The following TIAM1 variants were observed in gnomAD, a reference collection of about 807,000 sequenced individuals.
TIAM1 encodes the protein rho guanine nucleotide exchange factor TIAM1.
In TIAM1, 65 loss-of-function variants were observed where a neutral mutation model predicts 163.5. That is an observed-to-expected ratio of 0.40 (90% CI 0.33 to 0.49). TIAM1 has a LOEUF of 0.49. TIAM1 is among the 20% of genes least tolerant of loss of function. The pLI, the probability that TIAM1 is intolerant of heterozygous loss-of-function variation, is 0.77. For synonymous variants in TIAM1, 833 were observed against 810.1 expected (o/e 1.03, Z -0.48); for missense variants, 1,789 against 2,044.7 (o/e 0.87, Z 2.41).
chr21:31,174,722 A>G (rs1163081972), intron 15 of TIAM1, among the ~76,000 whole-genome samples: 5 of 152,182 alleles, frequency 3.3e-5, no homozygotes. Flanking sequence ...ATCCCGGCTC[A>G]CTGCAACCTC....
intron 2 of TIAM1, among the ~76,000 whole-genome samples, chr21:31,458,513 C>G (rs73197613): frequency 6.6e-6 from 1 of 152,224 alleles, no homozygotes; most frequent in Non-Finnish European, 1.5e-5. Flanking sequence ...TAAGTCTGAA[C>G]TATTCCCTCA....
chr21:31,132,221 G>C (rs945457352), intron 23 of TIAM1, among the ~76,000 whole-genome samples: 1 of 152,176 alleles, frequency 6.6e-6, no homozygotes, highest in Non-Finnish European at 1.5e-5. Flanking sequence ...TCTATCCTAC[G>C]GAGGGCAGGT....
At chr21:31,304,123 GT>G (rs2074605553) in intron 2 of TIAM1, among the ~76,000 whole-genome samples, 1 of 152,078 alleles carries the variant, frequency 6.6e-6, no homozygotes. Context: ...TCATTTGGCT[GT>G]GAGAGCTACA....
chr21:31,209,932 G>A (rs2086639312), intron 11 of TIAM1, 113 bp downstream of exon 11: 3 of 1,096,040 alleles, frequency 2.7e-6, no homozygotes, highest in Non-Finnish European at 1.3e-6. Context: ...AAAGGGAGGT[G>A]TGTTTTAAGC....
chr21:31,188,468 T>C (rs747968805), intron 13 of TIAM1, among the ~76,000 whole-genome samples: 2 of 152,198 alleles, frequency 1.3e-5, no homozygotes, highest in Non-Finnish European at 2.9e-5. Flanking sequence ...TTAGGCGAGA[T>C]AGAATCAAGG....
At chr21:31,185,494 T>A (rs1053474827) in intron 14 of TIAM1, among the ~76,000 whole-genome samples, 1 of 144,272 alleles carries the variant, frequency 6.9e-6, no homozygotes, top group African/African-American at 2.5e-5. Flanking sequence ...TTATATATTA[T>A]ATGCTTATAT....
At chr21:31,223,955 C>T (rs1306491457) in intron 7 of TIAM1, among the ~76,000 whole-genome samples, 1 of 152,060 alleles carries the variant, frequency 6.6e-6, no homozygotes, top group Non-Finnish European at 1.5e-5. Flanking sequence ...GGTTTTCATA[C>T]AAAGAAAAGT....
At chr21:31,363,681 T>A (rs2076447352) in intron 2 of TIAM1, among the ~76,000 whole-genome samples, 1 of 152,154 alleles carries the variant, frequency 6.6e-6, no homozygotes, top group East Asian at 1.9e-4. Flanking sequence ...GATGAATGTC[T>A]TAGATTTTTC....
In TIAM1 at chr21:31,266,418, G is replaced by A; in HGVS notation, c.555C>T (p.Leu185=). 3.1e-6 allele frequency: 5 copies of A among 1,614,256 alleles called. No homozygotes were observed. The highest frequency in any genetic ancestry group is 4.2e-6 in the Non-Finnish European group (5 of 1,180,054). Residue 185 remains leucine, a synonymous_variant, in exon 4 of 28, where the codon CTC becomes CTT. Coordinates refer to ENST00000541036, the MANE Select transcript of TIAM1 (RefSeq NM_001353694.2). ...TTAAATGTTCTTGGCTCAGATCAGA[G>A]AGTGAGAATTCCAGGCTGTCCTCCC... The part of the protein sequence containing the change: ...IWREDSLEFS[L]SDLSQEHLTS...
chr21:31,535,044 T>G (rs1021524757), intron 1 of TIAM1, among the ~76,000 whole-genome samples: 2 of 151,526 alleles, frequency 1.3e-5, no homozygotes, highest in Non-Finnish European at 2.9e-5. Flanking sequence ...GAGCCATGAC[T>G]GTGCCACTGC....
At chr21:31,213,148 T>C in intron 10 of TIAM1, 1 of 412,232 alleles carries the variant, frequency 2.4e-6, no homozygotes, top group Non-Finnish European at 4.3e-6. Context: ...ACATTCTAGT[T>C]AGAAACTCAC....
At chr21:31,153,253 C>T in intron 17 of TIAM1, 119 bp from the exon 18 acceptor site, 1 of 806,598 alleles carries the variant, frequency 1.2e-6, no homozygotes, top group Non-Finnish European at 1.8e-6. Context: ...ACAAACAGAT[C>T]CTGTCCCGAA....
intron 1 of TIAM1, among the ~76,000 whole-genome samples, chr21:31,512,773 AT>A (rs2047254638): frequency 6.6e-6 from 1 of 151,386 alleles, no homozygotes; most frequent in Non-Finnish European, 1.5e-5. Flanking sequence ...GCAAGCCACC[AT>A]GCCTAGTTAG....
At position 31,550,281 on chromosome 21, in the gene TIAM1, C is replaced by T. The variant is rs543816650; in HGVS notation, c.-422+8646G>A. ...ATAAACAAAATGTAGTATACCCATA[C>T]AATGGAATATTATTCAGCCAGAAAA... On this transcript the variant is annotated intron_variant, in intron 1 of 28. Coordinates refer to the TIAM1 transcript ENST00000286827. Among the ~76,000 whole-genome samples, 12 of 152,204 alleles carry T rather than the reference C, an allele frequency of 7.9e-5. No individual in the cohort carries two copies. In the East Asian group the frequency reaches 2.3e-3, roughly 29 times the overall value.
intron 2 of TIAM1, among the ~76,000 whole-genome samples, chr21:31,441,989 G>A (rs2147302681): frequency 6.9e-6 from 1 of 144,532 alleles, no homozygotes; most frequent in East Asian, 2.1e-4. Flanking sequence ...TCAAGAGGTG[G>A]GAATTATAGT....
chr21:31,354,525 C>G (rs913005365), intron 2 of TIAM1, among the ~76,000 whole-genome samples: 4 of 152,124 alleles, frequency 2.6e-5, no homozygotes, highest in Non-Finnish European at 5.9e-5. Flanking sequence ...TAATTAACGG[C>G]TGGTGGATAT....
At position 31,266,996 on chromosome 21, in the gene TIAM1, G is replaced by T. The variant is rs374984290; in HGVS notation, c.-11-13C>A. 2.5e-6 allele frequency: 4 copies of T among 1,572,968 alleles called. No individual in the cohort carries two copies. Among genetic ancestry groups the T allele is most frequent in the Non-Finnish European group, 3.5e-6 (4 of 1,158,272 alleles). On this transcript the variant is annotated splice_polypyrimidine_tract_variant and intron_variant, in intron 3 of 27. Coordinates refer to ENST00000541036, the MANE Select transcript of TIAM1 (RefSeq NM_001353694.2). Reference sequence around the variant, plus strand: ...ATGGTTTTATGGTCTGCAGCAAAGCGGGGGGAAAGGGGAGAATTGAGTCAC... The same window carrying T: ...ATGGTTTTATGGTCTGCAGCAAAGCTGGGGGAAAGGGGAGAATTGAGTCAC...
At chr21:31,379,709 ACT>A (rs1040553772) in intron 2 of TIAM1, among the ~76,000 whole-genome samples, 1 of 152,224 alleles carries the variant, frequency 6.6e-6, no homozygotes, top group Non-Finnish European at 1.5e-5. Context: ...GAAATGAAGT[ACT>A]GAGACACAAT....
chr21:31,373,329 A>G (rs1420711045), intron 2 of TIAM1, among the ~76,000 whole-genome samples: 1 of 152,148 alleles, frequency 6.6e-6, no homozygotes, highest in Non-Finnish European at 1.5e-5. Flanking sequence ...CTCTTTTCAC[A>G]CTGCTGATAA....
Sources: gnomAD v4.1 joint callset for allele counts (sites outside exome capture counted in the v4.1 genomes callset) on GRCh38, gnomAD v4.1.1 for gene constraint, MANE v1.5 for transcripts, NCBI Gene and HGNC (gene_info 2026-07-23, HGNC 2026-07-21) for gene names.